The following LRRC49 variants were observed in gnomAD, a reference collection of about 807,000 sequenced individuals.
The protein encoded by LRRC49 is leucine-rich repeat-containing protein 49.
In LRRC49, 50 loss-of-function variants were observed where a neutral mutation model predicts 83.3. The observed-to-expected ratio is 0.60, with a 90% CI of 0.48 to 0.76. LRRC49 has a LOEUF of 0.76. LRRC49 is among the 30% of genes least tolerant of loss of function. LRRC49 has a pLI of 0.00. For synonymous variants in LRRC49, 286 were observed against 283.3 expected (o/e 1.01, Z -0.10); for missense variants, 704 against 809.1 (o/e 0.87, Z 1.58).
At chr15:70,986,815 A>G (rs1207249699) in intron 11 of LRRC49, among the ~76,000 whole-genome samples, 1 of 152,208 alleles carries the variant, frequency 6.6e-6, no homozygotes, top group Non-Finnish European at 1.5e-5. Context: ...TCTCATCAAT[A>G]CCTAATTTAT....
At chr15:71,044,119 C>A (rs559530525) in intron 15 of LRRC49, among the ~76,000 whole-genome samples, 1 of 152,190 alleles carries the variant, frequency 6.6e-6, no homozygotes, top group East Asian at 1.9e-4. Flanking sequence ...TTACTGAGTG[C>A]GAAAAGGGAG....
rs754766484 is a variant in LRRC49, at chr15:71,037,163, T to C, written c.1704-16T>C. The C allele has an allele frequency of 1.9e-6, 3 of 1,583,670 alleles. No individual in the cohort carries two copies. In the Admixed American group the frequency reaches 5.3e-5, roughly 28 times the overall value. On this transcript the variant is annotated splice_polypyrimidine_tract_variant and intron_variant, in intron 14 of 15. Transcript: ENST00000260382. The stretch of plus-strand genomic sequence containing the variant: ...TGATAAGTAACTCTCTAAATCTCTT[T>C]ACTGTCTTTCTACAGGAAAAAGCAA...
At chr15:70,960,047 T>C (rs995290259) in intron 8 of LRRC49, among the ~76,000 whole-genome samples, 1 of 152,224 alleles carries the variant, frequency 6.6e-6, no homozygotes, top group Non-Finnish European at 1.5e-5. Flanking sequence ...TTTTAAAGTC[T>C]AGTTGCTAAA....
At chr15:70,966,763 A>C (rs2036809297) in intron 9 of LRRC49, among the ~76,000 whole-genome samples, 1 of 152,120 alleles carries the variant, frequency 6.6e-6, no homozygotes, top group African/African-American at 2.4e-5. Flanking sequence ...CCCTGAGACT[A>C]TTAGGTATCT....
chr15:70,937,246 G>A (rs530020967), intron 8 of LRRC49, among the ~76,000 whole-genome samples: 116 of 152,240 alleles, frequency 7.6e-4, no homozygotes, highest in African/African-American at 2.7e-3. Flanking sequence ...TGCTAATTAG[G>A]CCAAATTGCC....
chr15:70,904,551 G>T lies in LRRC49; in HGVS notation c.297-1G>T. On this transcript the variant is annotated splice_acceptor_variant, in intron 4 of 15. Transcript: ENST00000260382. LOFTEE classifies it high-confidence loss of function. ...AATTAACTTTTTAACATTTTTTCTA[G>T]ACAAAAGCTGACCGTATGTCCTATC... 1 of 1,608,152 alleles carries T rather than the reference G, an allele frequency of 6.2e-7. No homozygotes were observed. The highest frequency in any genetic ancestry group is 8.5e-7 in the Non-Finnish European group (1 of 1,175,958).
Position 70,909,166 on chromosome 15 carries a change from C to T in LRRC49, c.501-2366C>T, listed in dbSNP as rs1026078819. ...GGAGAACTTTGGGGTGATACAATCT[C>T]CATTATCCCTGATGTATAATTTTCA... On this transcript the variant is annotated intron_variant, in intron 5 of 15. Transcript: ENST00000260382. Among the ~76,000 whole-genome samples, 8 of 152,254 alleles carry T rather than the reference C, an allele frequency of 5.3e-5. No homozygotes were observed. The South Asian group carries it at 1.7e-3, about 32-fold the overall frequency.
chr15:71,025,555 A>G (rs555081037), intron 14 of LRRC49, among the ~76,000 whole-genome samples: 2 of 152,346 alleles, frequency 1.3e-5, no homozygotes, highest in South Asian at 2.1e-4. Flanking sequence ...CAATTAAAAG[A>G]CACAGAATGG....
At chr15:70,940,502 C>G (rs1232860833) in intron 8 of LRRC49, among the ~76,000 whole-genome samples, 1 of 152,152 alleles carries the variant, frequency 6.6e-6, no homozygotes, top group African/African-American at 2.4e-5. Flanking sequence ...CTTGGCCTCC[C>G]AAAGTGCTGG....
At chr15:70,873,276 A>G (rs758681941) in intron 2 of LRRC49, 7 of 1,514,732 alleles carry the variant, frequency 4.6e-6, no homozygotes, top group Non-Finnish European at 6.2e-6. Context: ...ATACTCTGCT[A>G]TCCCCTCACT....
chr15:71,001,587 A>G (rs771022111), intron 11 of LRRC49, among the ~76,000 whole-genome samples: 6 of 151,882 alleles, frequency 4.0e-5, no homozygotes, highest in Non-Finnish European at 8.8e-5. Context: ...GTCTTCCCCT[A>G]CTGCACTTGT....
chr15:71,026,572 C>A (rs2039179893), intron 14 of LRRC49, among the ~76,000 whole-genome samples: 1 of 151,892 alleles, frequency 6.6e-6, no homozygotes, highest in South Asian at 2.1e-4. Context: ...GGTGACAGAG[C>A]AAGACCCTAT....
In LRRC49 at chr15:70,959,919, A is replaced by C. The variant is rs540249804; in HGVS notation, c.774-3866A>C. Among the ~76,000 whole-genome samples the C allele has an allele frequency of 2.0e-5, 3 of 152,340 alleles. No individual in the cohort carries two copies. In the East Asian group the frequency reaches 5.8e-4, roughly 29 times the overall value. On this transcript the variant is annotated intron_variant, in intron 8 of 15. Coordinates refer to ENST00000260382, the MANE Select transcript of LRRC49 (RefSeq NM_017691.5). ...GCCATACAAAGAGCTTATCATTTTT[A>C]TTCATAATGCTCAAAGAATGGAAGA...
intron 7 of LRRC49, among the ~76,000 whole-genome samples, chr15:70,933,206 A>G (rs146447638): frequency 1.3e-5 from 2 of 152,210 alleles, no homozygotes; most frequent in African/African-American, 4.8e-5. Context: ...TTTTCCAAAT[A>G]CATAAAATAG....
At chr15:70,957,760 C>T (rs897523367) in intron 8 of LRRC49, among the ~76,000 whole-genome samples, 1 of 152,134 alleles carries the variant, frequency 6.6e-6, no homozygotes, top group Non-Finnish European at 1.5e-5. Context: ...AATTAGTGAG[C>T]CCATCCTATG....
At chr15:70,856,248 GA>G (rs1011939547) in intron 1 of LRRC49, among the ~76,000 whole-genome samples, 6 of 151,944 alleles carry the variant, frequency 3.9e-5, no homozygotes, top group African/African-American at 1.2e-4. Flanking sequence ...TGAGAGTTTT[GA>G]AAAAAAGAAA....
At chr15:70,924,810 T>C (rs1248781038) in intron 7 of LRRC49, among the ~76,000 whole-genome samples, 1 of 152,078 alleles carries the variant, frequency 6.6e-6, no homozygotes, top group Non-Finnish European at 1.5e-5. Context: ...ATTTTGCTTT[T>C]ATTCATGATT....
intron 7 of LRRC49, among the ~76,000 whole-genome samples, chr15:70,925,670 A>G (rs1440825400): frequency 6.6e-6 from 1 of 152,216 alleles, no homozygotes; most frequent in African/African-American, 2.4e-5. Context: ...CCCATATACA[A>G]TAATGGAACA....
intron 10 of LRRC49, among the ~76,000 whole-genome samples, chr15:70,982,282 G>C (rs2037429926): frequency 6.6e-6 from 1 of 152,080 alleles, no homozygotes; most frequent in Admixed American, 6.6e-5. Flanking sequence ...AGCCAACTGA[G>C]AACCATCAGC....
Sources: gnomAD v4.1 joint callset for allele counts (sites outside exome capture counted in the v4.1 genomes callset) on GRCh38, gnomAD v4.1.1 for gene constraint, MANE v1.5 for transcripts, NCBI Gene and HGNC (gene_info 2026-07-23, HGNC 2026-07-21) for gene names.